REV3L: variants seen among roughly 807,000 people sequenced by gnomAD.
REV3L encodes DNA polymerase zeta catalytic subunit.
In REV3L, 69 loss-of-function variants were observed where a neutral mutation model predicts 299.4. That is an observed-to-expected ratio of 0.23 (90% CI 0.19 to 0.28). The LOEUF is 0.28. REV3L is among the 10% of genes least tolerant of loss of function. The pLI is 1.00. For missense variants in REV3L, 3,128 were observed against 3,693.8 expected (o/e 0.85, Z 3.97); for synonymous variants, 1,238 against 1,271.4 (o/e 0.97, Z 0.56).
intron 9 of REV3L, among the ~76,000 whole-genome samples, chr6:111,384,633 A>G (rs545617967): frequency 1.3e-5 from 2 of 152,344 alleles, no homozygotes; most frequent in Admixed American, 1.3e-4. Context: ...GAACTCTCGT[A>G]CACTGTTGGT....
At chr6:111,440,838 T>C (rs151153589) in intron 1 of REV3L, among the ~76,000 whole-genome samples, 103 of 152,348 alleles carry the variant, frequency 6.8e-4, no homozygotes, top group African/African-American at 2.3e-3. Context: ...TATTTCTCTT[T>C]CATTTTGAAG....
intron 25 of REV3L, 30 bp downstream of exon 25, chr6:111,329,502 T>C (rs184921592): frequency 5.6e-6 from 9 of 1,606,462 alleles, no homozygotes; most frequent in African/African-American, 4.0e-5. Flanking sequence ...TTAGTCTCTT[T>C]TGAAAAAACT....
In REV3L at chr6:111,366,695, T is replaced by C. The variant is rs977966509; in HGVS notation, c.6673+420A>G. On this transcript the variant is annotated intron_variant, in intron 14 of 31. Transcript: ENST00000368802. ...AGTTTAGAGTGGGCTGAGAAATGAG[T>C]AGGAGGTAAATAACTGGAGTTGTCA... is the stretch of plus-strand genomic sequence containing the variant. 5.9e-5 allele frequency among the ~76,000 whole-genome samples: 9 copies of C among 152,030 alleles called. No individual in the cohort carries two copies. In the East Asian group the frequency reaches 1.7e-3, roughly 29 times the overall value.
intron 9 of REV3L, among the ~76,000 whole-genome samples, chr6:111,381,699 T>C (rs1780842557): frequency 6.6e-6 from 1 of 152,230 alleles, no homozygotes; most frequent in South Asian, 2.1e-4. Context: ...TTAATGTGTG[T>C]AGTTATATTA....
intron 4 of REV3L, among the ~76,000 whole-genome samples, chr6:111,404,086 C>A (rs17539364): frequency 6.6e-6 from 1 of 152,086 alleles, no homozygotes; most frequent in East Asian, 1.9e-4. Flanking sequence ...GCAGTCAATG[C>A]CTGATTTCAA....
At chr6:111,403,416 C>G (rs1307368834) in intron 4 of REV3L, among the ~76,000 whole-genome samples, 1 of 152,188 alleles carries the variant, frequency 6.6e-6, no homozygotes, top group Non-Finnish European at 1.5e-5. Context: ...TTTGTGGCAA[C>G]TCTGCATTGA....
intron 18 of REV3L, among the ~76,000 whole-genome samples, chr6:111,352,992 T>C (rs1307856287): frequency 6.6e-6 from 1 of 152,256 alleles, no homozygotes; most frequent in Non-Finnish European, 1.5e-5. Flanking sequence ...TAAGTAGCTC[T>C]ATCAATTAGT....
At chr6:111,453,640 A>G (rs1038943216) in intron 1 of REV3L, among the ~76,000 whole-genome samples, 2 of 152,182 alleles carry the variant, frequency 1.3e-5, no homozygotes, top group Admixed American at 6.5e-5. Context: ...ATTTTAGTTA[A>G]TATTTATATT....
chr6:111,412,619 A>C (rs1313993835), intron 2 of REV3L, among the ~76,000 whole-genome samples: 1 of 151,976 alleles, frequency 6.6e-6, no homozygotes, highest in Non-Finnish European at 1.5e-5. Context: ...AATAGAATTT[A>C]CTCTCATAGG....
At chr6:111,330,015 T>C (rs1346679704) in intron 24 of REV3L, among the ~76,000 whole-genome samples, 2 of 152,220 alleles carry the variant, frequency 1.3e-5, no homozygotes, top group Non-Finnish European at 2.9e-5. Context: ...AACTAGTGCA[T>C]AAGTGACCAT....
chr6:111,324,136 A>G (rs1774489701), intron 25 of REV3L, among the ~76,000 whole-genome samples: 2 of 152,108 alleles, frequency 1.3e-5, no homozygotes, highest in Admixed American at 1.3e-4. Flanking sequence ...AATAGCTGGG[A>G]TTACAGGAGT....
At chr6:111,362,547 A>C (rs1159981506) in intron 16 of REV3L, among the ~76,000 whole-genome samples, 1 of 152,230 alleles carries the variant, frequency 6.6e-6, no homozygotes, top group Admixed American at 6.5e-5. Flanking sequence ...TCTAGTAGTC[A>C]CATTTAAAAA....
At chr6:111,307,313 G>A (rs1320836422) in intron 31 of REV3L, 48 bp downstream of exon 31, 1 of 1,502,152 alleles carries the variant, frequency 6.7e-7, no homozygotes, top group Non-Finnish European at 9.3e-7. Context: ...ATATCTTCCT[G>A]TAAGATCAGA....
At chr6:111,418,179 G>C (rs1784960760) in intron 1 of REV3L, among the ~76,000 whole-genome samples, 1 of 152,138 alleles carries the variant, frequency 6.6e-6, no homozygotes, top group Non-Finnish European at 1.5e-5. Context: ...GGAAGACAGT[G>C]AATTATTTCC....
Position 111,299,854 on chromosome 6 carries a change from CA to C in REV3L, c.*161del. 1 of 580,210 alleles carries C rather than the reference CA, an allele frequency of 1.7e-6. No individual in the cohort carries two copies. The highest frequency in any genetic ancestry group is 2.8e-6 in the Non-Finnish European group (1 of 351,272). The allele number at this position is 580,210 out of a possible 1,614,324, so 35.9% of individuals were successfully genotyped here. A position where few individuals can be genotyped will look rare whatever the true frequency, so the allele number is the denominator to read the frequency against. ...TGTAAGAAGTGAGCTATTCAGAGAT[CA>C]ACAAGTACATTTTAATTCGGTTAGC... On this transcript the variant is annotated 3_prime_UTR_variant, in exon 32 of 32. Coordinates refer to ENST00000368802, the MANE Select transcript of REV3L (RefSeq NM_001372078.1).
intron 1 of REV3L, among the ~76,000 whole-genome samples, chr6:111,422,679 CGTATATATAT>C (rs1301073776): frequency 4.0e-5 from 1 of 24,940 alleles, no homozygotes; most frequent in Non-Finnish European, 8.3e-5. Context: ...TATATATATA[CGTATATATAT>C]ATATATATAT....
At chr6:111,406,972 T>C (rs1783705036) in intron 3 of REV3L, among the ~76,000 whole-genome samples, 1 of 152,152 alleles carries the variant, frequency 6.6e-6, no homozygotes, top group Non-Finnish European at 1.5e-5. Context: ...AAAGAAATTA[T>C]CTTAGATTTA....
In REV3L at chr6:111,374,276, T is replaced by G. The variant is rs79047027; in HGVS notation, c.4079A>C (p.Asp1360Ala). Reference sequence around the variant, plus strand: ...TACCTGAGATAAATGATTGGAAAGGTCAAATATATTTTTTTGAATTAACGT... The same window carrying G: ...TACCTGAGATAAATGATTGGAAAGGGCAAATATATTTTTTTGAATTAACGT... ...ESTLIQKNIF[D>A]LSNHLSQVAQ... The change falls in exon 13 of 32, where the codon GAC (aspartate) becomes GCC (alanine). Residue 1360 changes from aspartate to alanine, a missense_variant. Physicochemically the swap from Asp to Ala is moderately radical, Grantham distance 126. Transcript: ENST00000368802. The G allele has an allele frequency of 1.9e-6, 3 of 1,613,744 alleles. No individual in the cohort carries two copies. The East Asian group carries it at 6.7e-5, about 36-fold the overall frequency.
chr6:111,413,208 G>T (rs946423224), intron 2 of REV3L, among the ~76,000 whole-genome samples: 2 of 152,070 alleles, frequency 1.3e-5, no homozygotes, highest in South Asian at 2.1e-4. Flanking sequence ...ATATACAAAG[G>T]TAGTTGTCTG....
Sources: allele counts gnomAD v4.1 joint callset (sites outside exome capture counted in the v4.1 genomes callset), GRCh38; gene constraint gnomAD v4.1.1; transcripts MANE v1.5; gene names NCBI Gene and HGNC (gene_info 2026-07-23, HGNC 2026-07-21).